CAPRIN1: variants seen among roughly 807,000 people sequenced by gnomAD.
The protein encoded by CAPRIN1 is cell cycle associated protein 1.
A neutral mutation model predicts 100.9 loss-of-function variants in CAPRIN1; 29 were observed. That is an observed-to-expected ratio of 0.29 (90% CI 0.21 to 0.39). The LOEUF is 0.39. Ranked by LOEUF, CAPRIN1 falls within the 10% of genes least tolerant of loss-of-function variation. The pLI, the probability that CAPRIN1 is intolerant of heterozygous loss-of-function variation, is 1.00. For synonymous variants in CAPRIN1, 338 were observed against 307.5 expected, an observed-to-expected ratio of 1.10 and a Z score of -1.04; for missense variants, 795 against 876.7, an observed-to-expected ratio of 0.91 and a Z score of 1.18.
intron 9 of CAPRIN1, among the ~76,000 whole-genome samples, chr11:34,084,472 A>C (rs1851097995): frequency 1.3e-5 from 2 of 152,254 alleles, no homozygotes; most frequent in Middle Eastern, 3.2e-3. Flanking sequence ...CAAAAAGATT[A>C]GTAGAGGTGA....
intron 7 of CAPRIN1, 47 bp downstream of exon 7, chr11:34,079,812 T>A (rs201932510): frequency 6.4e-7 from 1 of 1,566,612 alleles, no homozygotes; most frequent in South Asian, 1.2e-5. Flanking sequence ...CCTGGTTTTA[T>A]TTGATTTTGC....
At chr11:34,098,339 T>C (rs139493607) in intron 18 of CAPRIN1, 33 of 984,344 alleles carry the variant, frequency 3.4e-5, no homozygotes, top group African/African-American at 1.0e-4. Flanking sequence ...TCCTAACTTA[T>C]TGAGCTATAC....
intron 9 of CAPRIN1, 59 bp from the exon 10 acceptor site, chr11:34,086,005 G>T: frequency 6.9e-7 from 1 of 1,443,216 alleles, no homozygotes; most frequent in Non-Finnish European, 9.7e-7. Flanking sequence ...CATCATGGTG[G>T]TAGTGAGTGG....
intron 2 of CAPRIN1, among the ~76,000 whole-genome samples, chr11:34,057,393 C>G (rs1850474609): frequency 6.6e-6 from 1 of 152,062 alleles, no homozygotes; most frequent in Non-Finnish European, 1.5e-5. Context: ...GAGTCGAAGC[C>G]TAAGTATTAC....
chr11:34,092,182 A>G, intron 15 of CAPRIN1, 126 bp downstream of exon 15: 2 of 827,850 alleles, frequency 2.4e-6, no homozygotes, highest in Non-Finnish European at 3.5e-6. Context: ...GACCATATGA[A>G]TTTTTCATTT....
At chr11:34,066,912 G>A (rs527551677) in intron 2 of CAPRIN1, among the ~76,000 whole-genome samples, 8 of 149,984 alleles carry the variant, frequency 5.3e-5, no homozygotes, top group African/African-American at 1.7e-4. Flanking sequence ...CATTACAGGC[G>A]TGAGCCATCA....
At chr11:34,090,418 T>A (rs1851239352) in intron 13 of CAPRIN1, 111 bp from the exon 14 acceptor site, 3 of 1,345,118 alleles carry the variant, frequency 2.2e-6, no homozygotes, top group South Asian at 2.5e-5. Flanking sequence ...TATTTGAGTT[T>A]GTTAATACAT....
intron 7 of CAPRIN1, 140 bp downstream of exon 7, chr11:34,079,905 G>GTTTTTTTTTTTTTTTTT (rs377455073): frequency 3.2e-6 from 1 of 316,640 alleles, no homozygotes; most frequent in African/African-American, 2.9e-5. Context: ...GCATGACAAA[G>GTTTTTTTTTTTTTTTTT]TTTTTTTTTT....
chr11:34,086,597 CTG>C lies in CAPRIN1; in HGVS notation c.1231+186_1231+187del, dbSNP rs1299709481. 7.9e-5 allele frequency among the ~76,000 whole-genome samples: 12 copies of C among 152,298 alleles called. No individual in the cohort carries two copies. The South Asian group carries it at 8.3e-4, about 11-fold the overall frequency. ...TTTGAATTAAAAATGTAGTTTATAA[CTG>C]TTTATTTTTAAACTTTTCATTGGCA... On this transcript the variant is annotated intron_variant, in intron 11 of 18. Transcript: ENST00000341394.
intron 7 of CAPRIN1, among the ~76,000 whole-genome samples, chr11:34,081,661 G>GT (rs1851032427): frequency 2.0e-5 from 3 of 151,588 alleles, no homozygotes; most frequent in East Asian, 1.9e-4. Context: ...ACCTGACTCA[G>GT]TTTTTTTTGT....
At chr11:34,089,607 AAAAAAATAATT>A in intron 12 of CAPRIN1, 151 bp downstream of exon 12, 3 of 376,530 alleles carry the variant, frequency 8.0e-6, no homozygotes, top group Non-Finnish European at 1.4e-5. Flanking sequence ...TCTCTATTTT[AAAAAAATAATT>A]AAAAAATATT....
chr11:34,085,981 T>C, intron 9 of CAPRIN1, 83 bp from the exon 10 acceptor site: 1 of 1,066,918 alleles, frequency 9.4e-7, no homozygotes, highest in Non-Finnish European at 1.4e-6. Context: ...ATGGTTTATG[T>C]AGTGTGGGGG....
Position 34,102,115 on chromosome 11 carries a change from G to T in CAPRIN1, c.*2748G>T, listed in dbSNP as rs910312217. Among the ~76,000 whole-genome samples the T allele has an allele frequency of 3.2e-4, 49 of 152,084 alleles. No individual in the cohort carries two copies. The highest frequency in any genetic ancestry group is 1.1e-3 in the African/African-American group (47 of 41,398). ...TATTTCTAATCAGTTAGCTTCTACA[G>T]TTCTTTTGTCTCCTTTTATATGCAG... On this transcript the variant is annotated 3_prime_UTR_variant, in exon 19 of 19. Transcript: ENST00000341394.
At chr11:34,054,861 A>G (rs1453071905) in intron 2 of CAPRIN1, among the ~76,000 whole-genome samples, 1 of 152,210 alleles carries the variant, frequency 6.6e-6, no homozygotes, top group East Asian at 1.9e-4. Flanking sequence ...GTGAACATTA[A>G]TAATGTGTTA....
intron 18 of CAPRIN1, 104 bp from the exon 19 acceptor site, chr11:34,099,196 TGTG>T (rs1464614076): frequency 3.2e-6 from 5 of 1,540,702 alleles, no homozygotes; most frequent in African/African-American, 1.4e-5. Context: ...AGCCTAATAA[TGTG>T]GTGACAGGCT....
At chr11:34,072,674 G>A (rs1850825743) in intron 4 of CAPRIN1, among the ~76,000 whole-genome samples, 1 of 152,118 alleles carries the variant, frequency 6.6e-6, no homozygotes, top group South Asian at 2.1e-4. Flanking sequence ...TGGGAATAAG[G>A]ACAAAAGTTA....
At chr11:34,061,823 T>C in intron 2 of CAPRIN1, among the ~76,000 whole-genome samples, 1 of 151,838 alleles carries the variant, frequency 6.6e-6, no homozygotes. Flanking sequence ...ATACAAAAAT[T>C]AGCCGTGCGT....
intron 7 of CAPRIN1, 28 bp downstream of exon 7, chr11:34,079,793 G>T: frequency 6.3e-7 from 1 of 1,593,928 alleles, no homozygotes; most frequent in South Asian, 1.1e-5. Context: ...ATCAACTTTA[G>T]TTTAGGGTCC....
At chr11:34,071,857 GT>G in intron 3 of CAPRIN1, 43 bp from the exon 4 acceptor site, 3 of 1,589,062 alleles carry the variant, frequency 1.9e-6, no homozygotes, top group South Asian at 1.1e-5. Context: ...TAATTCTGTG[GT>G]TTTTTGTCTT....
Sources: allele counts gnomAD v4.1 joint callset (sites outside exome capture counted in the v4.1 genomes callset), GRCh38; gene constraint gnomAD v4.1.1; transcripts MANE v1.5; gene names NCBI Gene and HGNC (gene_info 2026-07-23, HGNC 2026-07-21).